The following PCSK5 variants were observed in gnomAD, a reference collection of about 807,000 sequenced individuals.
PCSK5 encodes proprotein convertase subtilisin/kexin type 5.
In PCSK5, 129 loss-of-function variants were observed where a neutral mutation model predicts 233.2. The observed-to-expected ratio is 0.55, with a 90% CI of 0.48 to 0.64. The LOEUF is 0.64. Ranked by LOEUF, PCSK5 falls within the 30% of genes least tolerant of loss-of-function variation. The pLI, the probability that PCSK5 is intolerant of heterozygous loss-of-function variation, is 0.00. For missense variants in PCSK5, 2,076 were observed against 2,430.1 expected (o/e 0.85, Z 3.06); for synonymous variants, 825 against 879.2 (o/e 0.94, Z 1.09).
chr9:76,285,625 G>C (rs1828038446), intron 24 of PCSK5, among the ~76,000 whole-genome samples: 1 of 152,068 alleles, frequency 6.6e-6, no homozygotes, highest in Non-Finnish European at 1.5e-5. Flanking sequence ...CCAAAGATAA[G>C]ATAGGAGCAC....
chr9:75,978,721 A>T (rs2131377867), intron 2 of PCSK5, among the ~76,000 whole-genome samples: 1 of 152,214 alleles, frequency 6.6e-6, no homozygotes, highest in Non-Finnish European at 1.5e-5. Flanking sequence ...CCAACAACTG[A>T]TATTATTTCT....
chr9:75,942,026 T>C (rs1824329109), intron 2 of PCSK5, among the ~76,000 whole-genome samples: 1 of 152,248 alleles, frequency 6.6e-6, no homozygotes, highest in South Asian at 2.1e-4. Context: ...AGTACTTCAC[T>C]TCAAAAGGTC....
intron 1 of PCSK5, among the ~76,000 whole-genome samples, chr9:75,916,509 T>C (rs1822998015): frequency 6.6e-6 from 1 of 152,066 alleles, no homozygotes; most frequent in Non-Finnish European, 1.5e-5. Flanking sequence ...GGGAAGGCAA[T>C]TTAGCAGAGA....
At chr9:76,007,119 T>C (rs1827512363) in intron 3 of PCSK5, among the ~76,000 whole-genome samples, 1 of 152,224 alleles carries the variant, frequency 6.6e-6, no homozygotes, top group South Asian at 2.1e-4. Flanking sequence ...GTAATTAGTT[T>C]TTATTTCTAA....
intron 9 of PCSK5, among the ~76,000 whole-genome samples, chr9:76,125,470 A>C (rs1285851019): frequency 1.3e-5 from 2 of 152,234 alleles, no homozygotes; most frequent in Admixed American, 1.3e-4. Context: ...GACTTTGAGG[A>C]AGATCGTTAA....
rs764447531 is a variant in PCSK5 at position 76,338,383 on chromosome 9, T to G, written c.4902T>G (p.His1634Gln). ...AGTGTCATCGCTCCTGCCCAGACCATTACTATGTAGAGCAAAGCACACAGA... is the reference window on the plus strand; with the variant it reads ...AGTGTCATCGCTCCTGCCCAGACCAGTACTATGTAGAGCAAAGCACACAGA... ...KGECHRSCPD[H>Q]YYVEQSTQTC... The change falls in exon 35 of 38, where the codon CAT becomes CAG. Residue 1634 changes from histidine to glutamine, a missense_variant. Physicochemically the swap from His to Gln is conservative, Grantham distance 24 (BLOSUM62 0). This residue lies in a region of PCSK5 where 1,510 missense variants were observed against 1,538.1 expected (regional missense o/e 0.98). Transcript: ENST00000674117. 1.2e-6 allele frequency: 2 copies of G among 1,612,516 alleles called. No individual in the cohort carries two copies. The highest frequency in any genetic ancestry group is 2.7e-5 in the African/African-American group (2 of 74,872).
chr9:76,333,465 A>G (rs1829592261), intron 34 of PCSK5, among the ~76,000 whole-genome samples: 1 of 152,224 alleles, frequency 6.6e-6, no homozygotes, highest in African/African-American at 2.4e-5. Flanking sequence ...TCCACAAATT[A>G]CAGGTTTTGT....
At chr9:76,152,329 G>A (rs1445139517) in intron 10 of PCSK5, among the ~76,000 whole-genome samples, 1 of 152,194 alleles carries the variant, frequency 6.6e-6, no homozygotes, top group African/African-American at 2.4e-5. Context: ...ATAAGGAATA[G>A]GAGATATTTT....
At chr9:76,014,861 T>C (rs7863059) in intron 3 of PCSK5, among the ~76,000 whole-genome samples, 1,631 of 152,318 alleles carry the variant, frequency 0.011, 28 homozygotes, top group African/African-American at 0.037. Flanking sequence ...GTGCAGAAGA[T>C]GAAGATTTCT....
At chr9:75,972,165 G>A (rs186087027) in intron 2 of PCSK5, among the ~76,000 whole-genome samples, 5,002 of 152,172 alleles carry the variant, frequency 0.033, 100 homozygotes, top group Admixed American at 0.051. Flanking sequence ...TTTTTGTCAG[G>A]TTTGTTGAAG....
intron 9 of PCSK5, among the ~76,000 whole-genome samples, chr9:76,127,278 A>G (rs994530783): frequency 2.6e-5 from 4 of 152,198 alleles, no homozygotes; most frequent in African/African-American, 9.7e-5. Context: ...CAGTCTGGCA[A>G]TTTGGCTAGG....
At chr9:76,005,651 A>G (rs1485933754) in intron 3 of PCSK5, among the ~76,000 whole-genome samples, 1 of 152,178 alleles carries the variant, frequency 6.6e-6, no homozygotes, top group Non-Finnish European at 1.5e-5. Flanking sequence ...CCTTGTACAC[A>G]TACTTTGTGG....
intron 1 of PCSK5, among the ~76,000 whole-genome samples, chr9:75,917,142 C>T (rs1823036956): frequency 7.1e-6 from 1 of 140,450 alleles, no homozygotes; most frequent in Non-Finnish European, 1.5e-5. Flanking sequence ...GCATGCCATC[C>T]TGGGCAACGA....
intron 1 of PCSK5, among the ~76,000 whole-genome samples, chr9:75,917,800 C>A (rs1823069914): frequency 6.6e-6 from 1 of 152,070 alleles, no homozygotes; most frequent in Non-Finnish European, 1.5e-5. Context: ...TGTTGAGATA[C>A]CTAAACATTT....
intron 9 of PCSK5, among the ~76,000 whole-genome samples, chr9:76,115,539 G>T (rs1024544900): frequency 1.3e-5 from 2 of 152,152 alleles, no homozygotes; most frequent in African/African-American, 4.8e-5. Context: ...ATTAAATTTA[G>T]TCTCTTGAGG....
At chr9:76,163,877 TTTC>T (rs1423305213) in intron 12 of PCSK5, among the ~76,000 whole-genome samples, 168 of 130,080 alleles carry the variant, frequency 1.3e-3, no homozygotes, top group African/African-American at 3.6e-3. Flanking sequence ...TTTTTTTTTT[TTTC>T]CTGAATCTCC....
At chr9:76,206,412 G>A (rs1473995298) in intron 20 of PCSK5, among the ~76,000 whole-genome samples, 3 of 152,232 alleles carry the variant, frequency 2.0e-5, no homozygotes, top group Non-Finnish European at 4.4e-5. Context: ...GCATCTGGAA[G>A]CATACGAAAC....
chr9:76,083,398 T>C (rs1285118763), intron 7 of PCSK5, among the ~76,000 whole-genome samples: 1 of 152,180 alleles, frequency 6.6e-6, no homozygotes, highest in East Asian at 1.9e-4. Flanking sequence ...CAAGTCATTT[T>C]TCTTTGAGTT....
At position 76,343,764 on chromosome 9, in the gene PCSK5, C is replaced by T. The variant is rs75182974; in HGVS notation, c.4966+5317C>T. Among the ~76,000 whole-genome samples, 1,288 of 152,170 alleles carry T rather than the reference C, an allele frequency of 8.5e-3. 56 individuals are homozygous for T. The East Asian group carries it at 0.1, about 12-fold the overall frequency. ...CTCCCCAGACCCTTCATTCTATGTT[C>T]CCTTAGTACTCTGTGTCTTCATTCA... is the stretch of plus-strand genomic sequence containing the variant. On this transcript the variant is annotated intron_variant, in intron 35 of 37. Coordinates refer to ENST00000674117, the MANE Select transcript of PCSK5 (RefSeq NM_001372043.1).
Sources: gnomAD v4.1 joint callset for allele counts (sites outside exome capture counted in the v4.1 genomes callset) on GRCh38, gnomAD v4.1.1 for gene constraint, gnomAD v4.1.1 regional missense constraint, MANE v1.5 for transcripts, NCBI Gene and HGNC (gene_info 2026-07-23, HGNC 2026-07-21) for gene names.